CCDC171: variants seen among roughly 807,000 people sequenced by gnomAD.
CCDC171 encodes the protein coiled-coil domain containing 171, also known as coiled-coil domain-containing protein 171.
Under a neutral mutation model 168.2 loss-of-function variants are expected in CCDC171, and 177 were observed. The observed-to-expected ratio is 1.05, with a 90% CI of 0.93 to 1.19. The LOEUF (loss-of-function observed/expected upper bound fraction) is 1.19, where lower values mean the gene tolerates loss of function less well. Ranked by LOEUF, CCDC171 falls within the 50% of genes most tolerant of loss-of-function variation. The probability of loss-of-function intolerance (pLI) is 0.00; values close to 1 mark genes in which losing one functional copy is unlikely to be tolerated. For synonymous variants in CCDC171, 687 were observed against 540.8 expected, an observed-to-expected ratio of 1.27 and a Z score of -3.75; for missense variants, 1,991 against 1,539.0, an observed-to-expected ratio of 1.29 and a Z score of -4.91.
In CCDC171 at chr9:15,970,034, T is replaced by C. The variant is rs1831188696; in HGVS notation, c.3754-1575T>C. 2.6e-5 allele frequency among the ~76,000 whole-genome samples: 4 copies of C among 152,310 alleles called. 1 individual carries two copies. The South Asian group carries it at 8.3e-4, about 32-fold the overall frequency. ...TTCCACTGGGAAACCTTATCCTTCA[T>C]AGAGCTATTTCAAGTGACCATTTTA... On this transcript the variant is annotated intron_variant, in intron 25 of 25. Transcript: ENST00000380701.
intron 11 of CCDC171, among the ~76,000 whole-genome samples, chr9:15,705,896 T>G (rs1439876410): frequency 1.3e-5 from 2 of 152,156 alleles, no homozygotes; most frequent in African/African-American, 4.8e-5. Flanking sequence ...AGGTTGAAGG[T>G]CTATTTTACA....
intron 7 of CCDC171, among the ~76,000 whole-genome samples, chr9:15,629,632 A>G (rs1042081949): frequency 3.9e-5 from 6 of 152,198 alleles, no homozygotes; most frequent in Admixed American, 3.3e-4. Context: ...AACTTCCCCA[A>G]TCTAGCAAGG....
intron 18 of CCDC171, among the ~76,000 whole-genome samples, chr9:15,765,490 G>T (rs2056672987): frequency 1.3e-5 from 2 of 152,216 alleles, no homozygotes; most frequent in Admixed American, 1.3e-4. Flanking sequence ...TTCAGGCATT[G>T]TAACAGGAGG....
chr9:15,996,224 A>C (rs1486490513), intron 3 of CCDC171, among the ~76,000 whole-genome samples: 1 of 152,112 alleles, frequency 6.6e-6, no homozygotes, highest in African/African-American at 2.4e-5. Flanking sequence ...ACCACAGAGC[A>C]GAGAATAAGC....
the CCDC171 span, among the ~76,000 whole-genome samples, chr9:16,079,053 A>G: frequency 2.0e-5 from 3 of 152,214 alleles, no homozygotes; most frequent in Non-Finnish European, 4.4e-5. Context: ...GCTCTAACCT[A>G]TAAGGCCAAG....
At chr9:15,587,533 C>A in intron 4 of CCDC171, 3 of 417,884 alleles carry the variant, frequency 7.2e-6, no homozygotes, top group South Asian at 3.4e-5. Context: ...ATTGCCCAGT[C>A]TCAGGTATGT....
chr9:15,574,265 C>G (rs1207815262), intron 3 of CCDC171, among the ~76,000 whole-genome samples: 2 of 152,128 alleles, frequency 1.3e-5, no homozygotes, highest in East Asian at 1.9e-4. Context: ...CTGCTTCAGC[C>G]TCCTGCGTAG....
chr9:15,677,081 G>A (rs1204807558), intron 9 of CCDC171, among the ~76,000 whole-genome samples: 2 of 151,998 alleles, frequency 1.3e-5, no homozygotes, highest in East Asian at 3.9e-4. Flanking sequence ...GGTTCTTGTC[G>A]AGCTCTTTCA....
At chr9:15,962,043 GAC>G (rs1830395345) in intron 25 of CCDC171, among the ~76,000 whole-genome samples, 1 of 152,084 alleles carries the variant, frequency 6.6e-6, no homozygotes, top group Non-Finnish European at 1.5e-5. Flanking sequence ...AACATATCAT[GAC>G]ACATAAAATT....
At chr9:15,939,152 C>G (rs1827436820) in intron 25 of CCDC171, among the ~76,000 whole-genome samples, 1 of 151,018 alleles carries the variant, frequency 6.6e-6, no homozygotes, top group Admixed American at 6.6e-5. Flanking sequence ...ATGTCTACAC[C>G]TATTTATATC....
In CCDC171 at chr9:15,920,974, A is replaced by C. The variant is rs576905191; in HGVS notation, c.3753+552A>C. 1.8e-3 allele frequency among the ~76,000 whole-genome samples: 275 copies of C among 151,758 alleles called. 1 individual carries two copies. Among genetic ancestry groups the C allele is most frequent in the African/African-American group, 6.3e-3 (263 of 41,488 alleles). Reference sequence around the variant, plus strand: ...GCTCACTTAACACTAAAAAAAAAAAAATTTCTCTACTTGAAATATATTTTT... The same window carrying C: ...GCTCACTTAACACTAAAAAAAAAAACATTTCTCTACTTGAAATATATTTTT... On this transcript the variant is annotated intron_variant, in intron 25 of 25. Transcript: ENST00000380701.
chr9:15,848,028 T>C (rs1009284245), intron 22 of CCDC171, among the ~76,000 whole-genome samples: 3 of 152,046 alleles, frequency 2.0e-5, no homozygotes, highest in Non-Finnish European at 2.9e-5. Flanking sequence ...AGTTTCATCA[T>C]GTCAAATGAG....
At chr9:15,638,070 T>C (rs1419306970) in intron 7 of CCDC171, among the ~76,000 whole-genome samples, 1 of 152,198 alleles carries the variant, frequency 6.6e-6, no homozygotes, top group Non-Finnish European at 1.5e-5. Flanking sequence ...ATTTTTACTT[T>C]ATGTTTTTTT....
intron 23 of CCDC171, 85 bp from the exon 24 acceptor site, chr9:15,874,447 A>G (rs967322564): frequency 1.4e-5 from 17 of 1,198,142 alleles, no homozygotes; most frequent in Non-Finnish European, 1.8e-5. Flanking sequence ...ATGCAAGTCC[A>G]CTCAGTGGGC....
chr9:15,650,955 T>C (rs891670596), intron 7 of CCDC171, among the ~76,000 whole-genome samples: 2 of 152,152 alleles, frequency 1.3e-5, no homozygotes, highest in Non-Finnish European at 2.9e-5. Flanking sequence ...TTAGGACTTA[T>C]TCCTTCTAAC....
intron 23 of CCDC171, among the ~76,000 whole-genome samples, chr9:15,856,541 C>A (rs2061355516): frequency 1.3e-5 from 2 of 151,924 alleles, no homozygotes; most frequent in African/African-American, 2.4e-5. Flanking sequence ...TTATTTCCTT[C>A]CTTTGAAAAC....
At chr9:15,771,957 G>A (rs376359009) in intron 18 of CCDC171, among the ~76,000 whole-genome samples, 14 of 152,052 alleles carry the variant, frequency 9.2e-5, no homozygotes, top group South Asian at 6.3e-4. Flanking sequence ...CTCAGCCTCC[G>A]GAGTAGCTGG....
intron 7 of CCDC171, among the ~76,000 whole-genome samples, chr9:15,632,438 A>C (rs2045799863): frequency 6.6e-6 from 1 of 152,076 alleles, no homozygotes; most frequent in African/African-American, 2.4e-5. Flanking sequence ...CAAAGAGAAT[A>C]AAATACCTAG....
intron 2 of CCDC171, among the ~76,000 whole-genome samples, chr9:15,566,804 T>G (rs2039769997): frequency 6.6e-6 from 1 of 152,184 alleles, no homozygotes; most frequent in South Asian, 2.1e-4. Flanking sequence ...GTTTTATAAT[T>G]TTAGCTCTTA....
Sources: allele counts gnomAD v4.1 joint callset (sites outside exome capture counted in the v4.1 genomes callset), GRCh38; gene constraint gnomAD v4.1.1; transcripts MANE v1.5; gene names NCBI Gene and HGNC (gene_info 2026-07-23, HGNC 2026-07-21).